The following CCDC88C variants were observed in gnomAD, a reference collection of about 807,000 sequenced individuals.
The protein encoded by CCDC88C is protein Daple.
CCDC88C carries 131 observed loss-of-function variants against 198.8 expected under a neutral mutation model. The ratio of observed to expected loss-of-function variants is 0.66; its 90% CI spans 0.57 to 0.76. CCDC88C has a LOEUF of 0.76. Ranked by LOEUF, CCDC88C falls within the 30% of genes least tolerant of loss-of-function variation. The probability of loss-of-function intolerance (pLI) is 0.00; values close to 1 mark genes in which losing one functional copy is unlikely to be tolerated. For missense variants in CCDC88C, 2,553 were observed against 2,631.6 expected, an observed-to-expected ratio of 0.97 and a Z score of 0.65; for synonymous variants, 1,166 against 1,114.7, an observed-to-expected ratio of 1.05 and a Z score of -0.92.
chr14:91,276,784 C>G (rs545053082), intron 29 of CCDC88C, among the ~76,000 whole-genome samples: 2 of 152,156 alleles, frequency 1.3e-5, no homozygotes, highest in Non-Finnish European at 2.9e-5. Context: ...CAACAGCTCA[C>G]GTGACAAAAT....
rs372512066 is a variant in CCDC88C at position 91,335,399 on chromosome 14, C to T, written c.1050+2606G>A. On this transcript the variant is annotated intron_variant, in intron 10 of 29. Transcript: ENST00000389857. The stretch of plus-strand genomic sequence containing the variant: ...ACCCAGACACACCAGGACCTTGTGG[C>T]CCTGACCTCAGGTGTCTCTCCTGCA... Among the ~76,000 whole-genome samples, 100 of 152,198 alleles carry T rather than the reference C, an allele frequency of 6.6e-4. No homozygotes were observed. In the East Asian group the frequency reaches 0.016, roughly 25 times the overall value.
At position 91,352,100 on chromosome 14, in the gene CCDC88C, C is replaced by T. The variant is rs139804291; in HGVS notation, c.340+7542G>A. On this transcript the variant is annotated intron_variant, in intron 4 of 29. Coordinates refer to ENST00000389857, the MANE Select transcript of CCDC88C (RefSeq NM_001080414.4). The surrounding 1 kb of genome is among the most constrained non-coding windows in gnomAD (Gnocchi z 4.2). Reference sequence around the variant, plus strand: ...GGGAAAGGGTCCCTCCCAACCACCACGTGGAAAACTCAAACATAAAGACCT... The same window carrying T: ...GGGAAAGGGTCCCTCCCAACCACCATGTGGAAAACTCAAACATAAAGACCT... 6.6e-6 allele frequency among the ~76,000 whole-genome samples: 1 copy of T among 152,212 alleles called. No individual in the cohort carries two copies. The highest frequency in any genetic ancestry group is 1.5e-5 in the Non-Finnish European group (1 of 68,040).
At chr14:91,361,667 T>C (rs1351469268) in intron 3 of CCDC88C, among the ~76,000 whole-genome samples, 2 of 152,194 alleles carry the variant, frequency 1.3e-5, no homozygotes, top group Non-Finnish European at 2.9e-5. Flanking sequence ...TTCTCAAACA[T>C]GTCTCAGCTG....
chr14:91,360,438 C>T (rs973081567), intron 3 of CCDC88C, among the ~76,000 whole-genome samples: 1 of 151,914 alleles, frequency 6.6e-6, no homozygotes, highest in African/African-American at 2.4e-5. Flanking sequence ...GATGGAGATC[C>T]TGTCTCCAAA....
chr14:91,366,358 T>G (rs1053047228), intron 3 of CCDC88C, among the ~76,000 whole-genome samples: 6 of 152,074 alleles, frequency 3.9e-5, no homozygotes, highest in Non-Finnish European at 8.8e-5. Context: ...CAGTGGCATG[T>G]GCCTGTAATC....
At chr14:91,347,592 A>G (rs970859589) in intron 4 of CCDC88C, among the ~76,000 whole-genome samples, 3 of 152,216 alleles carry the variant, frequency 2.0e-5, no homozygotes, top group African/African-American at 7.2e-5. Flanking sequence ...AATGCTCACC[A>G]TCACTGGCCA....
At chr14:91,331,789 A>T (rs1892835696) in intron 10 of CCDC88C, among the ~76,000 whole-genome samples, 1 of 152,192 alleles carries the variant, frequency 6.6e-6, no homozygotes, top group Admixed American at 6.5e-5. Flanking sequence ...GGTCTCAGAC[A>T]TGCCCGAGAG....
chr14:91,338,443 C>A lies in CCDC88C; in HGVS notation c.891+46G>T, dbSNP rs377086963. The stretch of plus-strand genomic sequence containing the variant: ...CTCCAGGCCCCGTTACTGGACACTC[C>A]AGCCCTGCTACCCCCAGGACACACA... On this transcript the variant is annotated intron_variant, in intron 9 of 29. Transcript: ENST00000389857. The surrounding 1 kb of genome is among the most constrained non-coding windows in gnomAD (Gnocchi z 4.8). The A allele has an allele frequency of 1.3e-6, 2 of 1,498,564 alleles. No individual in the cohort carries two copies. Among genetic ancestry groups the A allele is most frequent in the African/African-American group, 1.4e-5 (1 of 72,104 alleles). 92.8% of individuals were successfully genotyped at this position (1,498,564 alleles called of 1,614,324 possible). A position where few individuals can be genotyped will look rare whatever the true frequency, so the allele number is the denominator to read the frequency against.
Position 91,326,042 on chromosome 14 carries a change from A to G in CCDC88C, c.1065T>C (p.Asp355=), listed in dbSNP as rs368656996. 52 of 1,609,386 alleles carry G rather than the reference A, an allele frequency of 3.2e-5. No individual in the cohort carries two copies. In the East Asian group the frequency reaches 3.8e-4, roughly 12 times the overall value. ...CCTTGGTTTCAATTAAAATGATATT[A>G]TCTTCTCTCAGCTCCTGGTTAGCAA... is the stretch of plus-strand genomic sequence containing the variant. ...YKARMEELRE[D]NIILIETKAM... The change falls in exon 11 of 30, where the codon GAT becomes GAC. Residue 355 remains aspartate (D), a synonymous_variant. Transcript: ENST00000389857.
rs570203060 is a variant in CCDC88C, at chr14:91,275,324, C to G, written c.5059-1671G>C. 9.2e-5 allele frequency among the ~76,000 whole-genome samples: 14 copies of G among 152,132 alleles called. No individual in the cohort carries two copies. The South Asian group carries it at 2.7e-3, about 29-fold the overall frequency. On this transcript the variant is annotated intron_variant, in intron 29 of 29. Transcript: ENST00000389857. ...AGTCTGAGCTGAGCAGGGAGGGGCC[C>G]CACTCCTTGCTCAGGACCTGCCTGC...
At chr14:91,366,629 A>G (rs1894555775) in intron 3 of CCDC88C, among the ~76,000 whole-genome samples, 1 of 152,256 alleles carries the variant, frequency 6.6e-6, no homozygotes, top group African/African-American at 2.4e-5. Flanking sequence ...TTGCCATTTT[A>G]AATAATAGCC....
At chr14:91,293,488 TCCCATCCTCA>T (rs1474355938) in intron 23 of CCDC88C, among the ~76,000 whole-genome samples, 11 of 107,166 alleles carry the variant, frequency 1.0e-4, no homozygotes, top group African/African-American at 2.8e-4. Context: ...CAGCTCACCT[TCCCATCCTCA>T]CCTGCCACGG....
In CCDC88C at chr14:91,318,917, C is replaced by CAAAAAAAAAAAAAAAAAAAAAAAAAAAAA. The variant is rs61183857; in HGVS notation, c.1527+2202_1527+2203insTTTTTTTTTTTTTTTTTTTTTTTTTTTTT. Among the ~76,000 whole-genome samples the CAAAAAAAAAAAAAAAAAAAAAAAAAAAAA allele has an allele frequency of 1.9e-5, 2 of 105,288 alleles. 1 individual carries two copies. The allele number at this position is 105,288 out of a possible 152,430, so 69.1% of individuals were successfully genotyped here. ...CTGGACAACAGAGCGAGACTCCGTCCAAAAAAAAAAAAAAAAAAAAAGAAC... is the reference window on the plus strand; with the variant it reads ...CTGGACAACAGAGCGAGACTCCGTCCAAAAAAAAAAAAAAAAAAAAAAAAAAAAAAAAAAAAAAAAAAAAAAAAAAGAAC... On this transcript the variant is annotated intron_variant, in intron 13 of 29. Coordinates refer to ENST00000389857, the MANE Select transcript of CCDC88C (RefSeq NM_001080414.4).
In CCDC88C at chr14:91,294,296, T is replaced by C. The variant is rs1306523991; in HGVS notation, c.3989A>G (p.Asn1330Ser). The C allele has an allele frequency of 5.6e-6, 9 of 1,613,886 alleles. No individual in the cohort carries two copies. Among genetic ancestry groups the C allele is most frequent in the Middle Eastern group, 1.6e-4 (1 of 6,084 alleles). Reference protein sequence around the residue: ...HCELLSRLKGNLEEENHHLLS... With the variant: ...HCELLSRLKGSLEEENHHLLS... ...GAGGTGATGATTTTCTTCCTCCAAG[T>C]TCCCCTTGAGACGGGAGAGCAGCTA... The change falls in exon 23 of 30, where the codon AAC (asparagine) becomes AGC (serine). Residue 1330 changes from asparagine (N) to serine (S), a missense_variant. Coordinates refer to ENST00000389857, the MANE Select transcript of CCDC88C (RefSeq NM_001080414.4).
intron 22 of CCDC88C, among the ~76,000 whole-genome samples, chr14:91,296,191 C>A (rs1307551208): frequency 6.6e-6 from 1 of 152,174 alleles, no homozygotes; most frequent in African/African-American, 2.4e-5. Flanking sequence ...TTCTGCTGAA[C>A]CCCTCCCCAA....
Position 91,313,656 on chromosome 14 carries a change from G to T in CCDC88C, c.2160C>A (p.Ser720Arg), listed in dbSNP as rs1260782355. 1 of 1,612,438 alleles carries T rather than the reference G, an allele frequency of 6.2e-7. No individual in the cohort carries two copies. The change falls in exon 15 of 30, where the codon AGC becomes AGA. Residue 720 changes from serine (S) to arginine (R), a missense_variant. Physicochemically the swap from Ser to Arg is moderately radical, Grantham distance 110 (BLOSUM62 -1). Transcript: ENST00000389857. This position sits in a 1 kb window ranked among gnomAD's most constrained non-coding sequence, Gnocchi z 5.2. The part of the protein sequence containing the change: ...RRLVETMRFT[S>R]TKLAQMEREN... The stretch of plus-strand genomic sequence containing the variant: ...CCCTCTCCATCTGTGCCAGCTTGGT[G>T]CTGGTGAAGCGCATGGTCTCCACCA...
chr14:91,303,138 G>A (rs1891378792), intron 20 of CCDC88C, among the ~76,000 whole-genome samples: 1 of 152,104 alleles, frequency 6.6e-6, no homozygotes, highest in African/African-American at 2.4e-5. Flanking sequence ...AGTCCTCCGC[G>A]CAGCCTGACA....
intron 12 of CCDC88C, among the ~76,000 whole-genome samples, chr14:91,321,815 G>T (rs1416385072): frequency 1.3e-5 from 2 of 152,214 alleles, no homozygotes; most frequent in Non-Finnish European, 2.9e-5. Flanking sequence ...GCTATGCAGA[G>T]ATTTCTTTCT....
At chr14:91,414,070 T>G (rs559490807) in intron 2 of CCDC88C, among the ~76,000 whole-genome samples, 27 of 152,326 alleles carry the variant, frequency 1.8e-4, no homozygotes, top group Admixed American at 9.8e-4. Flanking sequence ...GGGTCCAATG[T>G]TGCCCTAGAC....
Sources: gnomAD v4.1 joint callset for allele counts (sites outside exome capture counted in the v4.1 genomes callset) on GRCh38, gnomAD v4.1.1 for gene constraint, Gnocchi (gnomAD v3.1) non-coding constraint, MANE v1.5 for transcripts, NCBI Gene and HGNC (gene_info 2026-07-23, HGNC 2026-07-21) for gene names.